OR2AG2: variants seen among roughly 807,000 people sequenced by gnomAD.
The protein encoded by OR2AG2 is olfactory receptor 2AG2.
For synonymous variants in OR2AG2, 167 were observed against 157.1 expected, an observed-to-expected ratio of 1.06 and a Z score of -0.47; for missense variants, 390 against 391.9, an observed-to-expected ratio of 1.00 and a Z score of 0.04.
rs141761295 is a variant in OR2AG2, at chr11:6,768,915, C to T, written c.43G>A (p.Val15Met). The T allele has an allele frequency of 1.2e-6, 2 of 1,612,666 alleles. No individual in the cohort carries two copies. Among genetic ancestry groups the T allele is most frequent in the African/African-American group, 1.3e-5 (1 of 74,880 alleles). Residue 15 changes from valine to methionine, a missense_variant, in exon 2 of 2, where the codon GTG (valine) becomes ATG (methionine). Transcript: ENST00000641124. ...GACCCACTGTCATTCAGAATCCCCA[C>T]CAAGATGAAGCCGCTTCCCAAGGTG... Reference protein sequence around the residue: ...NSTLGSGFILVGILNDSGSPE... With the variant: ...NSTLGSGFILMGILNDSGSPE...
chr11:6,767,999 A>G lies in OR2AG2; in HGVS notation c.*8T>C. ...GAGGAATGGTGAGAGGCAAGCCATG[A>G]TCCTTCCCTAGAGCGTGGAATGTGC... On this transcript the variant is annotated 3_prime_UTR_variant, in exon 2 of 2. Coordinates refer to ENST00000641124, the MANE Select transcript of OR2AG2 (RefSeq NM_001004490.2). 1 of 1,594,958 alleles carries G rather than the reference A, an allele frequency of 6.3e-7. No homozygotes were observed.
chr11:6,769,010 C>A lies in OR2AG2; in HGVS notation c.-53G>T. On this transcript the variant is annotated 5_prime_UTR_variant, in exon 2 of 2. Transcript: ENST00000641124. The stretch of plus-strand genomic sequence containing the variant: ...AAATATATTATCAGTGGAAGCTTTT[C>A]TAAAGGTGTTCACTCTAGCTTTGGA... 7.5e-7 allele frequency: 1 copy of A among 1,331,062 alleles called. No homozygotes were observed. 82.5% of individuals were successfully genotyped at this position (1,331,062 alleles called of 1,614,324 possible).
chr11:6,768,980 G>A lies in OR2AG2; in HGVS notation c.-23C>T, dbSNP rs2119658151. 6.5e-7 allele frequency: 1 copy of A among 1,549,000 alleles called. No individual in the cohort carries two copies. Among genetic ancestry groups the A allele is most frequent in the South Asian group, 1.2e-5 (1 of 86,688 alleles). ...CATGATGTGTTTTTTTAGTTGCCTAGAACCAAATATATTATCAGTGGAAGC... is the reference window on the plus strand; with the variant it reads ...CATGATGTGTTTTTTTAGTTGCCTAAAACCAAATATATTATCAGTGGAAGC... On this transcript the variant is annotated 5_prime_UTR_variant, in exon 2 of 2. Transcript: ENST00000641124.
At position 6,766,734 on chromosome 11, in the gene OR2AG2, G is replaced by C. The variant is rs913634048; in HGVS notation, c.*1273C>G. The C allele has an allele frequency of 6.6e-6, 1 of 152,018 alleles. No individual in the cohort carries two copies. The highest frequency in any genetic ancestry group is 1.5e-5 in the Non-Finnish European group (1 of 67,976). 9.4% of individuals were successfully genotyped at this position (152,018 alleles called of 1,614,324 possible). On this transcript the variant is annotated 3_prime_UTR_variant, in exon 2 of 2. Coordinates refer to ENST00000641124, the MANE Select transcript of OR2AG2 (RefSeq NM_001004490.2). ...AATAAAAAAAATAAGGCTTATTTAG[G>C]CTAGCTAGAAAGCAAATTATAAATT...
Position 6,768,563 on chromosome 11 carries a change from T to C in OR2AG2, c.395A>G (p.Tyr132Cys), listed in dbSNP as rs575001248. The C allele has an allele frequency of 2.1e-4, 346 of 1,614,122 alleles. 3 individuals carry two copies. In the South Asian group the frequency reaches 3.5e-3, roughly 17 times the overall value. Reference protein sequence around the residue: ...RYVAICHPLKYMTLMSPRVCW... With the variant: ...RYVAICHPLKCMTLMSPRVCW... ...GACTCTTGGGCTCATGAGGGTCATG[T>C]ATTTCAGAGGATGACAAATGGCCAC... The change falls in exon 2 of 2, where the codon TAC becomes TGC. Residue 132 changes from tyrosine (Y) to cysteine (C), a missense_variant. Coordinates refer to ENST00000641124, the MANE Select transcript of OR2AG2 (RefSeq NM_001004490.2).
At position 6,766,369 on chromosome 11, in the gene OR2AG2, A is replaced by G. The variant is rs1310716703; in HGVS notation, c.*1638T>C. The stretch of plus-strand genomic sequence containing the variant: ...GAAAAAACACAGGACCTTCATCATC[A>G]TGGACATTTAAATTCAGTAAAATGC... On this transcript the variant is annotated 3_prime_UTR_variant, in exon 2 of 2. Transcript: ENST00000641124. 2.0e-5 allele frequency: 3 copies of G among 152,214 alleles called. No individual in the cohort carries two copies. Among genetic ancestry groups the G allele is most frequent in the Non-Finnish European group, 4.4e-5 (3 of 68,026 alleles). The allele number at this position is 152,214 out of a possible 1,614,324, so 9.4% of individuals were successfully genotyped here. A position where few individuals can be genotyped will look rare whatever the true frequency, so the allele number is the denominator to read the frequency against.
rs758411568 is a variant in OR2AG2, at chr11:6,768,057, A to T, written c.901T>A (p.Leu301Met). ...ATGTATTTTCCCAGGACCCTCCTCA[A>T]GGCCCGCATGACCTCCTTATTCCTC... Reference protein sequence around the residue: ...SLRNKEVMRALRRVLGKYILL... With the variant: ...SLRNKEVMRAMRRVLGKYILL... The change falls in exon 2 of 2, where the codon TTG (leucine) becomes ATG (methionine). Residue 301 changes from leucine (L) to methionine (M), a missense_variant. Coordinates refer to ENST00000641124, the MANE Select transcript of OR2AG2 (RefSeq NM_001004490.2). 1.9e-6 allele frequency: 3 copies of T among 1,614,094 alleles called. No individual in the cohort carries two copies. Among genetic ancestry groups the T allele is most frequent in the East Asian group, 4.5e-5 (2 of 44,876 alleles).
chr11:6,769,563 G>C (rs1487283736), intron 1 of OR2AG2, 69 bp from the exon 2 acceptor site: 1 of 152,652 alleles, frequency 6.6e-6, no homozygotes, highest in Non-Finnish European at 1.5e-5. Flanking sequence ...GGTAAATCTA[G>C]AGGAACAGTA....
At position 6,767,983 on chromosome 11, in the gene OR2AG2, T is replaced by A; in HGVS notation, c.*24A>T. 1 of 1,564,768 alleles carries A rather than the reference T, an allele frequency of 6.4e-7. No individual in the cohort carries two copies. Among genetic ancestry groups the A allele is most frequent in the Non-Finnish European group, 8.7e-7 (1 of 1,150,174 alleles). On this transcript the variant is annotated 3_prime_UTR_variant, in exon 2 of 2. Transcript: ENST00000641124. ...AGAATTTTATCTGGAGGAGGAATGGTGAGAGGCAAGCCATGATCCTTCCCT... is the reference window on the plus strand; with the variant it reads ...AGAATTTTATCTGGAGGAGGAATGGAGAGAGGCAAGCCATGATCCTTCCCT...
intron 1 of OR2AG2, among the ~76,000 whole-genome samples, chr11:6,769,981 A>T (rs1847432419): frequency 6.6e-6 from 1 of 152,148 alleles, no homozygotes; most frequent in Non-Finnish European, 1.5e-5. Flanking sequence ...CTTTTGGAAG[A>T]GACAAATAAT....
Position 6,771,821 on chromosome 11 carries a change from G to C in OR2AG2, c.-737C>G, listed in dbSNP as rs1241831688. 3 of 152,240 alleles carry C rather than the reference G, an allele frequency of 2.0e-5. No individual in the cohort carries two copies. In the South Asian group the frequency reaches 6.2e-4, roughly 32 times the overall value. The allele number at this position is 152,240 out of a possible 1,614,324, so 9.4% of individuals were successfully genotyped here. ...ATGCAGACAGGCAGCTGAGAACCTA[G>C]GGCAGGATCCTGCAGAAGTGAGGAG... is the stretch of plus-strand genomic sequence containing the variant. On this transcript the variant is annotated 5_prime_UTR_variant, in exon 1 of 2. Coordinates refer to ENST00000641124, the MANE Select transcript of OR2AG2 (RefSeq NM_001004490.2).
In OR2AG2 at chr11:6,768,508, G is replaced by A. The variant is rs1847407084; in HGVS notation, c.450C>T (p.Ile150=). ...GTCCTATAGCAATCAGGGATGCCAG[G>A]ATCCAGGATGTGGCCACCATGATCC... The part of the protein sequence containing the change: ...VCWIMVATSW[I]LASLIAIGHT... The change falls in exon 2 of 2, where the codon ATC becomes ATT. Residue 150 remains isoleucine, a synonymous_variant. Coordinates refer to ENST00000641124, the MANE Select transcript of OR2AG2 (RefSeq NM_001004490.2). 4 of 1,614,140 alleles carry A rather than the reference G, an allele frequency of 2.5e-6. No individual in the cohort carries two copies. Among genetic ancestry groups the A allele is most frequent in the Non-Finnish European group, 3.4e-6 (4 of 1,180,018 alleles).
rs775019809 is a variant in OR2AG2 at position 6,768,092 on chromosome 11, A to G, written c.866T>C (p.Ile289Thr). The G allele has an allele frequency of 1.2e-6, 2 of 1,614,068 alleles. No individual in the cohort carries two copies. The change falls in exon 2 of 2, where the codon ATC becomes ACC. Residue 289 changes from isoleucine to threonine, a missense_variant. Transcript: ENST00000641124. ...GACCTCCTTATTCCTCAGGCTGTAGATGAGTGGATTCAGGGCTGGAGTGAC... is the reference window on the plus strand; with the variant it reads ...GACCTCCTTATTCCTCAGGCTGTAGGTGAGTGGATTCAGGGCTGGAGTGAC... ...TIVTPALNPLIYSLRNKEVMR... is the reference protein window; with the variant it reads ...TIVTPALNPLTYSLRNKEVMR...
At position 6,768,801 on chromosome 11, in the gene OR2AG2, C is replaced by T. The variant is rs1361911962; in HGVS notation, c.157G>A (p.Ala53Thr). The T allele has an allele frequency of 5.0e-6, 8 of 1,613,976 alleles. No homozygotes were observed. The highest frequency in any genetic ancestry group is 6.8e-6 in the Non-Finnish European group (8 of 1,180,026). The change falls in exon 2 of 2, where the codon GCC becomes ACC. Residue 53 changes from alanine (A) to threonine (T), a missense_variant. Transcript: ENST00000641124. ...AGGTACATGGGCATGTGGAGCCGGG[C>T]TTCTATGGTGATGGCCAGGAGCAGC... ...GLLLLAITIE[A>T]RLHMPMYLLL...
chr11:6,770,545 G>T (rs186624677), intron 1 of OR2AG2, among the ~76,000 whole-genome samples: 1 of 152,054 alleles, frequency 6.6e-6, no homozygotes, highest in African/African-American at 2.4e-5. Context: ...GTTTCACCAC[G>T]CAATGTAGTC....
Position 6,767,940 on chromosome 11 carries a change from G to A in OR2AG2, c.*67C>T, listed in dbSNP as rs1299078918. ...GAGTGAGTAGAGAATTTTATTTGGA[G>A]CAGGAATGAGTGAGTAGAGAATTTT... On this transcript the variant is annotated 3_prime_UTR_variant, in exon 2 of 2. Coordinates refer to ENST00000641124, the MANE Select transcript of OR2AG2 (RefSeq NM_001004490.2). 3.9e-6 allele frequency: 5 copies of A among 1,294,336 alleles called. No individual in the cohort carries two copies. Among genetic ancestry groups the A allele is most frequent in the Non-Finnish European group, 5.4e-6 (5 of 928,958 alleles). 80.2% of individuals were successfully genotyped at this position (1,294,336 alleles called of 1,614,324 possible). A position where few individuals can be genotyped will look rare whatever the true frequency, so the allele number is the denominator to read the frequency against.
intron 1 of OR2AG2, among the ~76,000 whole-genome samples, chr11:6,771,119 G>A (rs1032413713): frequency 6.6e-6 from 1 of 152,220 alleles, no homozygotes; most frequent in South Asian, 2.1e-4. Context: ...CAATTAACAA[G>A]GTAGAGCTAA....
At position 6,766,101 on chromosome 11, in the gene OR2AG2, C is replaced by A. The variant is rs1564897734; in HGVS notation, c.*1906G>T. On this transcript the variant is annotated 3_prime_UTR_variant, in exon 2 of 2. Transcript: ENST00000641124. ...TAAGCACAGTTTACTAAGCTGTGGT[C>A]TCAGTACCTGATATTAATTATCTTA... 1 of 152,148 alleles carries A rather than the reference C, an allele frequency of 6.6e-6. No individual in the cohort carries two copies. The highest frequency in any genetic ancestry group is 1.5e-5 in the Non-Finnish European group (1 of 68,012). The allele number at this position is 152,148 out of a possible 1,614,324, so 9.4% of individuals were successfully genotyped here. A position where few individuals can be genotyped will look rare whatever the true frequency, so the allele number is the denominator to read the frequency against.
chr11:6,769,724 G>A (rs1304464768), intron 1 of OR2AG2, among the ~76,000 whole-genome samples: 1 of 152,068 alleles, frequency 6.6e-6, no homozygotes, highest in Non-Finnish European at 1.5e-5. Context: ...TTGTAGAAAC[G>A]GCCCAAAGCA....
Sources: gnomAD v4.1 joint callset for allele counts (sites outside exome capture counted in the v4.1 genomes callset) on GRCh38, gnomAD v4.1.1 for gene constraint, MANE v1.5 for transcripts, NCBI Gene and HGNC (gene_info 2026-07-23, HGNC 2026-07-21) for gene names.